Variants in ATP8B2 observed in about 807,000 individuals in gnomAD.
ATP8B2 encodes ATPase phospholipid transporting 8B2, also known as phospholipid-transporting ATPase ID.
In ATP8B2, 70 loss-of-function variants were observed where a neutral mutation model predicts 133.4. The ratio of observed to expected loss-of-function variants is 0.52; its 90% CI spans 0.43 to 0.64. The LOEUF (loss-of-function observed/expected upper bound fraction) is 0.64. Among genes scored for constraint, ATP8B2 ranks in the 30% least tolerant of loss-of-function variants. The probability of loss-of-function intolerance (pLI) is 0.00; values close to 1 mark genes in which losing one functional copy is unlikely to be tolerated. For missense variants in ATP8B2, 1,101 were observed against 1,535.7 expected (o/e 0.72, Z 4.73); for synonymous variants, 517 against 589.5 (o/e 0.88, Z 1.78).
chr1:154,327,995 G>A (rs1685849795), intron 1 of ATP8B2, 110 bp from the exon 2 acceptor site: 2 of 1,502,048 alleles, frequency 1.3e-6, no homozygotes, highest in Admixed American at 3.4e-5. Context: ...AGGAGGCTGG[G>A]GGAGGGGCAG....
rs551308939 is a variant in ATP8B2, at chr1:154,337,666, A to G, written c.1034+122A>G. ...GAAGTCCTCTTCTTCCTGTACTGTAAACATTTGATGTTATCTGTTTATCTT... is the reference window on the plus strand; with the variant it reads ...GAAGTCCTCTTCTTCCTGTACTGTAGACATTTGATGTTATCTGTTTATCTT... On this transcript the variant is annotated intron_variant, in intron 12 of 27. Coordinates refer to ENST00000368489, the MANE Select transcript of ATP8B2 (RefSeq NM_001370597.1). 93 of 1,604,378 alleles carry G rather than the reference A, an allele frequency of 5.8e-5. No homozygotes were observed. The African/African-American group carries it at 1.1e-3, about 19-fold the overall frequency.
chr1:154,344,965 C>A lies in ATP8B2; in HGVS notation c.2287-6C>A. The A allele has an allele frequency of 6.2e-7, 1 of 1,608,588 alleles. No homozygotes were observed. The highest frequency in any genetic ancestry group is 8.5e-7 in the Non-Finnish European group (1 of 1,176,886). On this transcript the variant is annotated splice_region_variant and splice_polypyrimidine_tract_variant and intron_variant, in intron 21 of 27. Coordinates refer to ENST00000368489, the MANE Select transcript of ATP8B2 (RefSeq NM_001370597.1). The surrounding 1 kb of genome is among the most constrained non-coding windows in gnomAD (Gnocchi z 4.1). The stretch of plus-strand genomic sequence containing the variant: ...ACTGGCTCTCTCAGGTTTCTCTGTG[C>A]TCCAGGCCCACGCACTGGAGGCAGA...
Position 154,345,197 on chromosome 1 carries a change from G to A in ATP8B2, c.2470+43G>A, listed in dbSNP as rs368146496. The A allele has an allele frequency of 1.2e-6, 2 of 1,603,118 alleles. No individual in the cohort carries two copies. The highest frequency in any genetic ancestry group is 1.7e-6 in the Non-Finnish European group (2 of 1,172,848). On this transcript the variant is annotated intron_variant, in intron 22 of 27. Transcript: ENST00000368489. The surrounding 1 kb of genome is among the most constrained non-coding windows in gnomAD (Gnocchi z 5.6). Reference sequence around the variant, plus strand: ...AGGTGTGTAGGCTGGGCTTGAGGCTGGGGAGGGGCCCACTGAGGTCTCTGG... The same window carrying A: ...AGGTGTGTAGGCTGGGCTTGAGGCTAGGGAGGGGCCCACTGAGGTCTCTGG...
In ATP8B2 at chr1:154,343,373, G is replaced by A. The variant is rs1208931832; in HGVS notation, c.1642+72G>A. The A allele has an allele frequency of 1.2e-6, 2 of 1,604,686 alleles. No homozygotes were observed. The highest frequency in any genetic ancestry group is 1.7e-6 in the Non-Finnish European group (2 of 1,173,330). ...GCCTGGAATGGGTGAAGTGTGCCGG[G>A]TGACTCTTGATGTGTTTATGTTGGG... On this transcript the variant is annotated intron_variant, in intron 16 of 27. Transcript: ENST00000368489. The surrounding 1 kb of genome is among the most constrained non-coding windows in gnomAD (Gnocchi z 5.8).
chr1:154,336,727 C>T (rs549509492), intron 11 of ATP8B2, among the ~76,000 whole-genome samples: 1 of 151,532 alleles, frequency 6.6e-6, no homozygotes, highest in African/African-American at 2.4e-5. Context: ...GAACTCCTGA[C>T]CTCATGATCT....
At position 154,334,050 on chromosome 1, in the gene ATP8B2, C is replaced by G; in HGVS notation, c.590-57C>G. 1 of 1,585,518 alleles carries G rather than the reference C, an allele frequency of 6.3e-7. No homozygotes were observed. The highest frequency in any genetic ancestry group is 8.6e-7 in the Non-Finnish European group (1 of 1,159,540). On this transcript the variant is annotated intron_variant, in intron 9 of 27. Coordinates refer to ENST00000368489, the MANE Select transcript of ATP8B2 (RefSeq NM_001370597.1). This position sits in a 1 kb window ranked among gnomAD's most constrained non-coding sequence, Gnocchi z 4.6. ...GCTCATTTTCTCTTTGTTTTATTGT[C>G]TTGTGGTTAGGCTGTAGACTGGACC...
chr1:154,344,856 T>C lies in ATP8B2; in HGVS notation c.2286+71T>C. 1.3e-6 allele frequency: 2 copies of C among 1,547,160 alleles called. No homozygotes were observed. Among genetic ancestry groups the C allele is most frequent in the Non-Finnish European group, 1.7e-6 (2 of 1,145,678 alleles). On this transcript the variant is annotated intron_variant, in intron 21 of 27. Transcript: ENST00000368489. This position sits in a 1 kb window ranked among gnomAD's most constrained non-coding sequence, Gnocchi z 4.1. ...ACTTCTGTCCAGGGCTTTTATATCT[T>C]GTTCTAATTTCCCCTGATTTCAGAG...
rs775307615 is a variant in ATP8B2 at position 154,346,629 on chromosome 1, G to A, written c.3034G>A (p.Asp1012Asn). 11 of 1,614,076 alleles carry A rather than the reference G, an allele frequency of 6.8e-6. No individual in the cohort carries two copies. The highest frequency in any genetic ancestry group is 6.7e-5 in the East Asian group (3 of 44,898). Residue 1012 changes from aspartate (D) to asparagine (N), a missense_variant, in exon 26 of 28, where the codon GAC (aspartate) becomes AAC (asparagine). Transcript: ENST00000368489. The surrounding 1 kb of genome is among the most constrained non-coding windows in gnomAD (Gnocchi z 4.5). ...VIVVSVQIGLDTGYWTAINHF... is the reference protein window; with the variant it reads ...VIVVSVQIGLNTGYWTAINHF... ...TGCCTACTTTCTGCAGATTGGGCTC[G>A]ACACAGGCTACTGGACGGCCATCAA...
chr1:154,328,836 T>C lies in ATP8B2; in HGVS notation c.31+664T>C. 14 of 1,048,084 alleles carry C rather than the reference T, an allele frequency of 1.3e-5. No individual in the cohort carries two copies. The highest frequency in any genetic ancestry group is 1.6e-5 in the Non-Finnish European group (14 of 865,978). 64.9% of individuals were successfully genotyped at this position (1,048,084 alleles called of 1,614,324 possible). Reference sequence around the variant, plus strand: ...CCCCGAGCGCCGGCGGCCGGGAGGATGGCCTGGGCTGCGGGTGGGGCGCGC... The same window carrying C: ...CCCCGAGCGCCGGCGGCCGGGAGGACGGCCTGGGCTGCGGGTGGGGCGCGC... On this transcript the variant is annotated intron_variant, in intron 2 of 27. Coordinates refer to ENST00000368489, the MANE Select transcript of ATP8B2 (RefSeq NM_001370597.1). The surrounding 1 kb of genome is among the most constrained non-coding windows in gnomAD (Gnocchi z 4.6).
rs551299592 is a variant in ATP8B2 at position 154,350,074 on chromosome 1, T to C, written c.*956T>C. ...TTTTCTTTTCTTTTTTCTTTTTCTT[T>C]TTTTCTTTTTTTTTTTGAGATGGAG... On this transcript the variant is annotated 3_prime_UTR_variant, in exon 28 of 28. Coordinates refer to ENST00000368489, the MANE Select transcript of ATP8B2 (RefSeq NM_001370597.1). 1 of 152,074 alleles carries C rather than the reference T, an allele frequency of 6.6e-6. No homozygotes were observed. Among genetic ancestry groups the C allele is most frequent in the Admixed American group, 6.5e-5 (1 of 15,276 alleles). The allele number at this position is 152,074 out of a possible 1,614,324, so 9.4% of individuals were successfully genotyped here.
In ATP8B2 at chr1:154,345,453, A is replaced by G. The variant is rs1163062974; in HGVS notation, c.2602A>G (p.Met868Val). 2.5e-6 allele frequency: 4 copies of G among 1,614,046 alleles called. No homozygotes were observed. The highest frequency in any genetic ancestry group is 3.3e-5 in the Admixed American group (2 of 60,004). ...GCATGGGCGCTGGTCCTACCTGCGA[A>G]TGTGCAAGTTTCTTTGCTATTTCTT... ...LVHGRWSYLR[M>V]CKFLCYFFYK... The change falls in exon 23 of 28, where the codon ATG (methionine) becomes GTG (valine). Residue 868 changes from methionine (M) to valine (V), a missense_variant. By Grantham distance (21) the Met-to-Val change is conservative. Coordinates refer to ENST00000368489, the MANE Select transcript of ATP8B2 (RefSeq NM_001370597.1). The surrounding 1 kb of genome is among the most constrained non-coding windows in gnomAD (Gnocchi z 5.6).
intron 11 of ATP8B2, among the ~76,000 whole-genome samples, chr1:154,335,736 TAA>T (rs563272917): frequency 2.8e-5 from 4 of 141,454 alleles, no homozygotes; most frequent in Admixed American, 1.4e-4. Context: ...TTCCCAAGTT[TAA>T]AAAAAAAAAA....
At chr1:154,332,967 A>G (rs1686049511) in intron 9 of ATP8B2, among the ~76,000 whole-genome samples, 1 of 152,180 alleles carries the variant, frequency 6.6e-6, no homozygotes, top group Non-Finnish European at 1.5e-5. Flanking sequence ...ATTAGCTCAG[A>G]ATAATAATAT....
chr1:154,345,953 G>A lies in ATP8B2; in HGVS notation c.2778+70G>A. On this transcript the variant is annotated intron_variant, in intron 24 of 27. Coordinates refer to ENST00000368489, the MANE Select transcript of ATP8B2 (RefSeq NM_001370597.1). The surrounding 1 kb of genome is among the most constrained non-coding windows in gnomAD (Gnocchi z 5.6). ...TGCTTGAAGGAGTCACATAGACGTG[G>A]TGTGTGACACTTGTGCCCATTTCCT... 3 of 1,391,746 alleles carry A rather than the reference G, an allele frequency of 2.2e-6. No individual in the cohort carries two copies. The highest frequency in any genetic ancestry group is 3.1e-6 in the Non-Finnish European group (3 of 982,604). The allele number at this position is 1,391,746 out of a possible 1,614,324, so 86.2% of individuals were successfully genotyped here.
At chr1:154,327,894 GT>G in intron 1 of ATP8B2, 1 of 1,600,150 alleles carries the variant, frequency 6.2e-7, no homozygotes, top group Non-Finnish European at 8.6e-7. Context: ...AGCCCCCCAT[GT>G]CACCCAAGGC....
In ATP8B2 at chr1:154,343,542, C is replaced by T. The variant is rs1686457295; in HGVS notation, c.1732C>T (p.Leu578Phe). The T allele has an allele frequency of 6.2e-7, 1 of 1,614,106 alleles. No homozygotes were observed. Among genetic ancestry groups the T allele is most frequent in the South Asian group, 1.1e-5 (1 of 91,072 alleles). Residue 578 changes from leucine (L) to phenylalanine (F), a missense_variant, in exon 17 of 28, where the codon CTC (leucine) becomes TTC (phenylalanine). Leu to Phe is a conservative substitution (Grantham distance 22). Coordinates refer to ENST00000368489, the MANE Select transcript of ATP8B2 (RefSeq NM_001370597.1). This position sits in a 1 kb window ranked among gnomAD's most constrained non-coding sequence, Gnocchi z 5.8. ...DRLHHSTQELLNTTMDHLNEY... is the reference protein window; with the variant it reads ...DRLHHSTQELFNTTMDHLNEY... ...ACTGCACCACTCCACTCAAGAGCTG[C>T]TCAACACCACCATGGACCACCTTAA...
intron 2 of ATP8B2, among the ~76,000 whole-genome samples, chr1:154,330,118 G>C (rs1685931476): frequency 6.6e-6 from 1 of 152,300 alleles, no homozygotes; most frequent in East Asian, 1.9e-4. Flanking sequence ...CCTCTGGAGT[G>C]GGGGTGGGGG....
At position 154,349,105 on chromosome 1, in the gene ATP8B2, C is replaced by T. The variant is rs1208367924; in HGVS notation, c.3560C>T (p.Pro1187Leu). Residue 1187 changes from proline (P) to leucine (L), a missense_variant, in exon 28 of 28, where the codon CCC (proline) becomes CTC (leucine). Transcript: ENST00000368489. ...ASSPSGGADK[P>L]LKG ...AGCCCCAGTGGCGGTGCCGACAAGC[C>T]CCTCAAGGGCTGAAGGCCGAGGATG... The T allele has an allele frequency of 6.2e-7, 1 of 1,613,562 alleles. No individual in the cohort carries two copies. Among genetic ancestry groups the T allele is most frequent in the East Asian group, 2.2e-5 (1 of 44,848 alleles).
chr1:154,345,514 G>C lies in ATP8B2; in HGVS notation c.2663G>C (p.Trp888Ser). The C allele has an allele frequency of 6.2e-7, 1 of 1,613,958 alleles. No individual in the cohort carries two copies. Among genetic ancestry groups the C allele is most frequent in the Non-Finnish European group, 8.5e-7 (1 of 1,179,994 alleles). The change falls in exon 23 of 28, where the codon TGG becomes TCG. Residue 888 changes from tryptophan (W) to serine (S), a missense_variant. Transcript: ENST00000368489. The surrounding 1 kb of genome is among the most constrained non-coding windows in gnomAD (Gnocchi z 5.6). ...TTTGCTTTCACCATGGTCCACTTCT[G>C]GTTTGGCTTCTTCTGTGGCTTCTCA... Reference protein sequence around the residue: ...KNFAFTMVHFWFGFFCGFSAQ... With the variant: ...KNFAFTMVHFSFGFFCGFSAQ...
Sources: gnomAD v4.1 joint callset for allele counts (sites outside exome capture counted in the v4.1 genomes callset) on GRCh38, gnomAD v4.1.1 for gene constraint, Gnocchi (gnomAD v3.1) non-coding constraint, MANE v1.5 for transcripts, NCBI Gene and HGNC (gene_info 2026-07-23, HGNC 2026-07-21) for gene names.